PGBD5: variants seen among roughly 807,000 people sequenced by gnomAD.
The protein encoded by PGBD5 is piggyBac transposable element derived 5.
PGBD5 carries 14 observed loss-of-function variants against 47.9 expected under a neutral mutation model. The ratio of observed to expected loss-of-function variants is 0.29; its 90% CI spans 0.19 to 0.46. PGBD5 has a LOEUF of 0.46. PGBD5 is among the 20% of genes least tolerant of loss of function. The pLI, the probability that PGBD5 is intolerant of heterozygous loss-of-function variation, is 1.00. For synonymous variants in PGBD5, 316 were observed against 306.3 expected (o/e 1.03, Z -0.33); for missense variants, 635 against 716.0 (o/e 0.89, Z 1.29).
chr1:230,379,448 T>C (rs984278790), intron 1 of PGBD5, among the ~76,000 whole-genome samples: 1 of 152,232 alleles, frequency 6.6e-6, no homozygotes, highest in African/African-American at 2.4e-5. Flanking sequence ...GTTTCCATCA[T>C]TATTAGAATT....
At chr1:230,391,662 G>C (rs1429545143) in intron 1 of PGBD5, among the ~76,000 whole-genome samples, 1 of 152,188 alleles carries the variant, frequency 6.6e-6, no homozygotes, top group Non-Finnish European at 1.5e-5. Context: ...CAAGGAGAGA[G>C]AGACCTGTAT....
In PGBD5 at chr1:230,342,166, T is replaced by TA. The variant is rs111314005; in HGVS notation, c.895-4879dup. Among the ~76,000 whole-genome samples, 399 of 152,260 alleles carry TA rather than the reference T, an allele frequency of 2.6e-3. 4 individuals are homozygous for TA. The highest frequency in any genetic ancestry group is 9.2e-3 in the African/African-American group (382 of 41,562). On this transcript the variant is annotated intron_variant, in intron 3 of 6. Coordinates refer to ENST00000391860, the MANE Select transcript of PGBD5 (RefSeq NM_001258311.2). ...CAACTTCTCAAAAGAACAGTAAGGC[T>TA]AGTGGCAGTAGCTGCTGACTCACCA...
intron 1 of PGBD5, among the ~76,000 whole-genome samples, chr1:230,423,699 T>A (rs1341255811): frequency 1.3e-5 from 2 of 152,032 alleles, no homozygotes; most frequent in Non-Finnish European, 2.9e-5. Flanking sequence ...AAGAGGAAAT[T>A]CTAAATCAGA....
At chr1:230,404,629 A>AATAT (rs1231804089) in intron 1 of PGBD5, among the ~76,000 whole-genome samples, 34 of 108,464 alleles carry the variant, frequency 3.1e-4, no homozygotes, top group African/African-American at 6.0e-4. Context: ...AAAAAAAAAA[A>AATAT]ATATATATAT....
intron 5 of PGBD5, among the ~76,000 whole-genome samples, chr1:230,331,160 C>G (rs981673753): frequency 4.6e-5 from 7 of 152,124 alleles, no homozygotes; most frequent in Non-Finnish European, 1.5e-5. Flanking sequence ...TGCCTGTACA[C>G]CCAGCACTTT....
At chr1:230,387,232 G>A (rs68053172) in intron 1 of PGBD5, among the ~76,000 whole-genome samples, 53,337 of 152,014 alleles carry the variant, frequency 0.35, 10,183 homozygotes, top group Non-Finnish European at 0.43. Flanking sequence ...GCGCTTTGAA[G>A]CTTTTCATGT....
At chr1:230,403,420 T>C (rs1421106684) in intron 1 of PGBD5, among the ~76,000 whole-genome samples, 1 of 152,218 alleles carries the variant, frequency 6.6e-6, no homozygotes, top group African/African-American at 2.4e-5. Context: ...TCTACAGCAC[T>C]GAGAAGAAGT....
At chr1:230,346,986 T>C (rs1012801865) in intron 3 of PGBD5, among the ~76,000 whole-genome samples, 1 of 152,162 alleles carries the variant, frequency 6.6e-6, no homozygotes, top group African/African-American at 2.4e-5. Flanking sequence ...CAACTCTTTA[T>C]TGTAAAACTT....
rs1666976187 is a variant in PGBD5, at chr1:230,317,966, C to G, written c.*5459G>C. ...TACACGGAAGGGTGAAGGTGCCCCA[C>G]CCTCCCCGGAACACAGTTCACACAG... On this transcript the variant is annotated 3_prime_UTR_variant, in exon 7 of 7. Coordinates refer to ENST00000391860, the MANE Select transcript of PGBD5 (RefSeq NM_001258311.2). 6.6e-6 allele frequency: 1 copy of G among 151,918 alleles called. No individual in the cohort carries two copies. The highest frequency in any genetic ancestry group is 1.5e-5 in the Non-Finnish European group (1 of 67,920). The allele number at this position is 151,918 out of a possible 1,614,324, so 9.4% of individuals were successfully genotyped here.
chr1:230,323,271 C>A lies in PGBD5; in HGVS notation c.*154G>T. The A allele has an allele frequency of 3.8e-6, 3 of 793,636 alleles. No homozygotes were observed. The highest frequency in any genetic ancestry group is 5.9e-6 in the Non-Finnish European group (3 of 512,088). The allele number at this position is 793,636 out of a possible 1,614,324, so 49.2% of individuals were successfully genotyped here. ...AATGAGGACAGCAACCGTCCTCTGACCAGGTCCATCCTGTCCCTCCAGAGG... is the reference window on the plus strand; with the variant it reads ...AATGAGGACAGCAACCGTCCTCTGAACAGGTCCATCCTGTCCCTCCAGAGG... On this transcript the variant is annotated 3_prime_UTR_variant, in exon 7 of 7. Coordinates refer to ENST00000391860, the MANE Select transcript of PGBD5 (RefSeq NM_001258311.2). The surrounding 1 kb of genome is among the most constrained non-coding windows in gnomAD (Gnocchi z 4.1).
chr1:230,375,442 C>T (rs1449748425), intron 1 of PGBD5, among the ~76,000 whole-genome samples: 1 of 152,056 alleles, frequency 6.6e-6, no homozygotes, highest in Non-Finnish European at 1.5e-5. Flanking sequence ...AGGAAGTCAC[C>T]CCCTCCTGCA....
In PGBD5 at chr1:230,332,829, C is replaced by G. The variant is rs1253352588; in HGVS notation, c.1273+15G>C. On this transcript the variant is annotated intron_variant, in intron 5 of 6. Coordinates refer to ENST00000391860, the MANE Select transcript of PGBD5 (RefSeq NM_001258311.2). ...CCCGCGCGCCCCACTGTGTCAATGGCGGACCCGCACTCACCCTGCTGCACC... is the reference window on the plus strand; with the variant it reads ...CCCGCGCGCCCCACTGTGTCAATGGGGGACCCGCACTCACCCTGCTGCACC... 6.2e-7 allele frequency: 1 copy of G among 1,613,872 alleles called. No individual in the cohort carries two copies. The highest frequency in any genetic ancestry group is 2.2e-5 in the East Asian group (1 of 44,874).
chr1:230,384,246 C>T (rs912211692), intron 1 of PGBD5, among the ~76,000 whole-genome samples: 8 of 152,066 alleles, frequency 5.3e-5, no homozygotes, highest in African/African-American at 1.9e-4. Context: ...AAAGAGGGAA[C>T]ATTTGCCAGT....
In PGBD5 at chr1:230,402,819, T is replaced by C. The variant is rs541273939; in HGVS notation, c.331+22779A>G. On this transcript the variant is annotated intron_variant, in intron 1 of 6. Transcript: ENST00000391860. ...ATTTTAATATGTCTCAATGATTATATATTTAGTCTGGTAGAACACATGTGA... is the reference window on the plus strand; with the variant it reads ...ATTTTAATATGTCTCAATGATTATACATTTAGTCTGGTAGAACACATGTGA... Among the ~76,000 whole-genome samples the C allele has an allele frequency of 4.9e-4, 75 of 152,352 alleles. 1 individual carries two copies. The South Asian group carries it at 0.014, about 28-fold the overall frequency.
intron 1 of PGBD5, among the ~76,000 whole-genome samples, chr1:230,381,507 T>C (rs1656490972): frequency 1.3e-5 from 2 of 152,214 alleles, no homozygotes; most frequent in African/African-American, 4.8e-5. Flanking sequence ...CCAACCCTGA[T>C]CAGAGGCTGG....
At chr1:230,416,217 C>G (rs1190957246) in intron 1 of PGBD5, among the ~76,000 whole-genome samples, 1 of 152,126 alleles carries the variant, frequency 6.6e-6, no homozygotes, top group Non-Finnish European at 1.5e-5. Context: ...CCAACCAGGA[C>G]AGAAATCCTC....
intron 5 of PGBD5, among the ~76,000 whole-genome samples, chr1:230,327,587 G>A (rs749964041): frequency 7.2e-5 from 11 of 152,214 alleles, no homozygotes; most frequent in East Asian, 3.8e-4. Flanking sequence ...AAACCATGGC[G>A]GCCCCCACAC....
At chr1:230,396,658 C>T (rs374007663) in intron 1 of PGBD5, among the ~76,000 whole-genome samples, 17 of 146,298 alleles carry the variant, frequency 1.2e-4, no homozygotes, top group African/African-American at 3.6e-4. Flanking sequence ...CACCTGAGGA[C>T]GGCACACATG....
Position 230,371,852 on chromosome 1 carries a change from C to T in PGBD5, c.332-14531G>A, listed in dbSNP as rs375349570. On this transcript the variant is annotated intron_variant, in intron 1 of 6. Coordinates refer to ENST00000391860, the MANE Select transcript of PGBD5 (RefSeq NM_001258311.2). Reference sequence around the variant, plus strand: ...GGGTTTGAATCATGATTCCTTCCCGCATGATGCTGCCCTACCGCGGAAGCT... The same window carrying T: ...GGGTTTGAATCATGATTCCTTCCCGTATGATGCTGCCCTACCGCGGAAGCT... Among the ~76,000 whole-genome samples the T allele has an allele frequency of 1.2e-4, 18 of 152,318 alleles. 1 individual carries two copies. In the South Asian group the frequency reaches 3.3e-3, roughly 28 times the overall value.
Sources: allele counts gnomAD v4.1 joint callset (sites outside exome capture counted in the v4.1 genomes callset), GRCh38; gene constraint gnomAD v4.1.1; non-coding constraint Gnocchi (gnomAD v3.1); transcripts MANE v1.5; gene names NCBI Gene and HGNC (gene_info 2026-07-23, HGNC 2026-07-21).